The following ATP2C1 variants were observed in gnomAD, a reference collection of about 807,000 sequenced individuals.
ATP2C1 encodes calcium-transporting ATPase type 2C member 1.
ATP2C1 carries 31 observed loss-of-function variants against 120.5 expected under a neutral mutation model. The ratio of observed to expected loss-of-function variants is 0.26; its 90% CI spans 0.19 to 0.35. The LOEUF is 0.35. ATP2C1 is among the 10% of genes least tolerant of loss of function. ATP2C1 has a pLI of 1.00. For missense variants in ATP2C1, 731 were observed against 1,107.5 expected (o/e 0.66, Z 4.83); for synonymous variants, 351 against 358.7 (o/e 0.98, Z 0.24).
At chr3:130,975,169 C>A (rs2061487774) in intron 17 of ATP2C1, among the ~76,000 whole-genome samples, 163 bp from the exon 18 acceptor site, 1 of 152,070 alleles carries the variant, frequency 6.6e-6, no homozygotes. Flanking sequence ...GAAAGCTCCC[C>A]TATAGGAATA....
chr3:130,975,095 G>T (rs776209989), intron 17 of ATP2C1, among the ~76,000 whole-genome samples: 1 of 152,066 alleles, frequency 6.6e-6, no homozygotes, highest in African/African-American at 2.4e-5. Context: ...CAAATTTGGG[G>T]CTTAGTATAG....
chr3:130,904,297 A>G (rs955461447), intron 2 of ATP2C1, among the ~76,000 whole-genome samples: 1 of 151,942 alleles, frequency 6.6e-6, no homozygotes, highest in African/African-American at 2.4e-5. Context: ...CCTACCTTGC[A>G]TTTAGTTATC....
intron 12 of ATP2C1, chr3:130,963,118 T>G (rs2060897152): frequency 6.6e-6 from 1 of 152,058 alleles, no homozygotes; most frequent in Admixed American, 6.6e-5. Flanking sequence ...TTTTTAATTA[T>G]AAAAGGCGAG....
At position 130,955,743 on chromosome 3, in the gene ATP2C1, G is replaced by A. The variant is rs1056774420; in HGVS notation, c.757-361G>A. The stretch of plus-strand genomic sequence containing the variant: ...GACCTGGGTTACTAGCATGTTTGTG[G>A]ATACCAAAAGGGAAAAATTGGAAAA... On this transcript the variant is annotated intron_variant, in intron 10 of 27. Transcript: ENST00000510168. 5 of 237,380 alleles carry A rather than the reference G, an allele frequency of 2.1e-5. No homozygotes were observed. In the South Asian group the frequency reaches 2.7e-4, roughly 13 times the overall value. The allele number at this position is 237,380 out of a possible 1,614,324, so 14.7% of individuals were successfully genotyped here.
chr3:130,957,973 C>T (rs1387712484), intron 11 of ATP2C1, among the ~76,000 whole-genome samples: 3 of 152,070 alleles, frequency 2.0e-5, no homozygotes, highest in Non-Finnish European at 4.4e-5. Context: ...TTTTGTTTTA[C>T]TGGTGTGTAT....
At chr3:130,856,988 T>C (rs2067863038) in intron 1 of ATP2C1, among the ~76,000 whole-genome samples, 1 of 152,216 alleles carries the variant, frequency 6.6e-6, no homozygotes, top group Non-Finnish European at 1.5e-5. Flanking sequence ...TGGGTTAAGA[T>C]AGAGGACAGA....
At chr3:130,863,164 G>A (rs2107728564) in intron 1 of ATP2C1, among the ~76,000 whole-genome samples, 1 of 152,194 alleles carries the variant, frequency 6.6e-6, no homozygotes, top group African/African-American at 2.4e-5. Context: ...GATGTTATAT[G>A]AGATCCTATT....
At chr3:130,972,540 G>A (rs1443220874) in intron 17 of ATP2C1, among the ~76,000 whole-genome samples, 1 of 148,218 alleles carries the variant, frequency 6.7e-6, no homozygotes, top group African/African-American at 2.5e-5. Flanking sequence ...AGTTACATAT[G>A]TATACATGTG....
chr3:130,887,776 T>C (rs2069024569), intron 1 of ATP2C1, among the ~76,000 whole-genome samples: 1 of 152,184 alleles, frequency 6.6e-6, no homozygotes, highest in Non-Finnish European at 1.5e-5. Flanking sequence ...TCCAAGAGGT[T>C]AGGCCTGGGA....
In ATP2C1 at chr3:130,894,549, C is replaced by T. The variant is rs1351088685; in HGVS notation, c.-180-41C>T. 1.4e-6 allele frequency: 2 copies of T among 1,411,360 alleles called. No individual in the cohort carries two copies. The highest frequency in any genetic ancestry group is 1.8e-6 in the Non-Finnish European group (2 of 1,083,712). The allele number at this position is 1,411,360 out of a possible 1,614,324, so 87.4% of individuals were successfully genotyped here. The stretch of plus-strand genomic sequence containing the variant: ...GTGGCTGGGCGGGGAACTCCTTCCT[C>T]AGCCTCTCGTCAGCGCCGCTTCTCC... On this transcript the variant is annotated intron_variant, in intron 1 of 27. Transcript: ENST00000510168. The surrounding 1 kb of genome is among the most constrained non-coding windows in gnomAD (Gnocchi z 4.5).
At chr3:130,996,817 T>A in intron 24 of ATP2C1, 21 bp downstream of exon 24, 1 of 1,484,484 alleles carries the variant, frequency 6.7e-7, no homozygotes, top group Non-Finnish European at 9.4e-7. Flanking sequence ...TTTAATTGCA[T>A]GAGCTGGAAA....
rs78085608 is a variant in ATP2C1 at position 130,965,225 on chromosome 3, A to G, written c.1122+180A>G. 0.027 allele frequency among the ~76,000 whole-genome samples: 4,102 copies of G among 152,066 alleles called. 190 individuals carry two copies. Among genetic ancestry groups the G allele is most frequent in the African/African-American group, 0.093 (3,874 of 41,480 alleles). On this transcript the variant is annotated intron_variant, in intron 14 of 27. Coordinates refer to ENST00000510168, the MANE Select transcript of ATP2C1 (RefSeq NM_001378687.1). ...CTCATTCCACTTGTACACTTGTTCA[A>G]TCCAAAAACTTTGATTCCTCCTTGA...
At chr3:130,957,949 G>T (rs935234484) in intron 11 of ATP2C1, among the ~76,000 whole-genome samples, 1 of 152,148 alleles carries the variant, frequency 6.6e-6, no homozygotes, top group African/African-American at 2.4e-5. Context: ...AAGGTAGGAA[G>T]TTATCTTAGT....
chr3:130,934,842 T>C (rs2059597972), intron 5 of ATP2C1, 131 bp downstream of exon 5: 2 of 700,562 alleles, frequency 2.9e-6, no homozygotes, highest in South Asian at 3.2e-5. Flanking sequence ...TTTATTTTAT[T>C]CTTTTTGTTG....
intron 11 of ATP2C1, among the ~76,000 whole-genome samples, chr3:130,956,664 T>G (rs1179691595): frequency 6.6e-6 from 1 of 152,070 alleles, no homozygotes; most frequent in Non-Finnish European, 1.5e-5. Context: ...CTCTCTTTTT[T>G]AAGGAAAAAT....
At chr3:130,851,777 A>G (rs1360121220) in intron 1 of ATP2C1, among the ~76,000 whole-genome samples, 2 of 152,234 alleles carry the variant, frequency 1.3e-5, no homozygotes, top group African/African-American at 4.8e-5. Context: ...TAGCCATACC[A>G]AAGACCCAGC....
intron 20 of ATP2C1, among the ~76,000 whole-genome samples, chr3:130,985,368 C>CT: frequency 6.6e-6 from 1 of 152,158 alleles, no homozygotes; most frequent in Admixed American, 6.5e-5. Flanking sequence ...TGTGGTGGCT[C>CT]ACAGCTGTAA....
At chr3:130,875,462 C>T (rs1271939764) in intron 1 of ATP2C1, among the ~76,000 whole-genome samples, 1 of 152,154 alleles carries the variant, frequency 6.6e-6, no homozygotes, top group Admixed American at 6.5e-5. Context: ...GGACTTAATT[C>T]TTATTTATAA....
chr3:130,869,408 C>A, intron 1 of ATP2C1: 1 of 120,756 alleles, frequency 8.3e-6, no homozygotes. Flanking sequence ...CGAGAAACAC[C>A]CAAGAATGAT....
Sources: allele counts gnomAD v4.1 joint callset (sites outside exome capture counted in the v4.1 genomes callset), GRCh38; gene constraint gnomAD v4.1.1; non-coding constraint Gnocchi (gnomAD v3.1); transcripts MANE v1.5; gene names NCBI Gene and HGNC (gene_info 2026-07-23, HGNC 2026-07-21).